ETV1: variants seen among roughly 807,000 people sequenced by gnomAD.
ETV1 encodes ETS variant transcription factor 1.
A neutral mutation model predicts 62.3 loss-of-function variants in ETV1; 27 were observed. The ratio of observed to expected loss-of-function variants is 0.43; its 90% CI spans 0.32 to 0.60. The LOEUF is 0.60. ETV1 is among the 20% of genes least tolerant of loss of function. The probability of loss-of-function intolerance (pLI) is 0.06; values close to 1 mark genes in which losing one functional copy is unlikely to be tolerated. For missense variants in ETV1, 605 were observed against 605.8 expected, an observed-to-expected ratio of 1.00 and a Z score of 0.01; for synonymous variants, 222 against 199.6, an observed-to-expected ratio of 1.11 and a Z score of -0.94.
chr7:13,915,652 C>T (rs1372389399), intron 9 of ETV1, among the ~76,000 whole-genome samples: 1 of 152,150 alleles, frequency 6.6e-6, no homozygotes, highest in Non-Finnish European at 1.5e-5. Flanking sequence ...CACGTATATG[C>T]CATACTTTTA....
In ETV1 at chr7:13,895,246, C is replaced by A. The variant is rs573909863; in HGVS notation, c.*620G>T. 3.0e-5 allele frequency: 7 copies of A among 233,554 alleles called. No homozygotes were observed. In the South Asian group the frequency reaches 1.3e-3, roughly 42 times the overall value. 14.5% of individuals were successfully genotyped at this position (233,554 alleles called of 1,614,324 possible). On this transcript the variant is annotated 3_prime_UTR_variant, in exon 14 of 14. Coordinates refer to ENST00000430479, the MANE Select transcript of ETV1 (RefSeq NM_004956.5). ...ATTATTCAACTTCAGAGAGAATTAC[C>A]CATTTTATGGTTATCCTCTGCAAGT...
chr7:13,908,724 T>A (rs985661713), intron 11 of ETV1, among the ~76,000 whole-genome samples: 3 of 152,152 alleles, frequency 2.0e-5, no homozygotes, highest in Non-Finnish European at 4.4e-5. Context: ...TCCAAGCAAC[T>A]AATTAGAAAT....
Position 13,928,918 on chromosome 7 carries a change from A to G in ETV1, c.802+2584T>C, listed in dbSNP as rs770503654. Reference sequence around the variant, plus strand: ...GGTTGCAGTGAGCTGAGAATACACCACTGCACTCAAGCCTGGGCGACAGAG... The same window carrying G: ...GGTTGCAGTGAGCTGAGAATACACCGCTGCACTCAAGCCTGGGCGACAGAG... On this transcript the variant is annotated intron_variant, in intron 9 of 13. Transcript: ENST00000430479. Among the ~76,000 whole-genome samples the G allele has an allele frequency of 2.0e-5, 3 of 152,158 alleles. No homozygotes were observed. In the South Asian group the frequency reaches 6.2e-4, roughly 32 times the overall value.
chr7:13,895,703 C>A lies in ETV1; in HGVS notation c.*163G>T. 1.6e-6 allele frequency: 1 copy of A among 626,386 alleles called. No homozygotes were observed. Among genetic ancestry groups the A allele is most frequent in the Non-Finnish European group, 2.8e-6 (1 of 355,894 alleles). The allele number at this position is 626,386 out of a possible 1,614,324, so 38.8% of individuals were successfully genotyped here. On this transcript the variant is annotated 3_prime_UTR_variant, in exon 14 of 14. Transcript: ENST00000430479. ...CCACCCTCAAATAAAGTGCACAGTCCATGGCAGACCATAGAATAATGCAAC... is the reference window on the plus strand; with the variant it reads ...CCACCCTCAAATAAAGTGCACAGTCAATGGCAGACCATAGAATAATGCAAC...
intron 12 of ETV1, among the ~76,000 whole-genome samples, chr7:13,905,866 G>A (rs1256039312): frequency 6.6e-6 from 1 of 152,156 alleles, no homozygotes; most frequent in Non-Finnish European, 1.5e-5. Context: ...CCTGTGTCTT[G>A]TAAGAGACAC....
At position 13,980,110 on chromosome 7, in the gene ETV1, A is replaced by T. The variant is rs114129215; in HGVS notation, c.182-2630T>A. ...AATAAATACTTCACACTTATTCCTGAACATATTACAGAATTTTAACAAAAA... is the reference window on the plus strand; with the variant it reads ...AATAAATACTTCACACTTATTCCTGTACATATTACAGAATTTTAACAAAAA... On this transcript the variant is annotated intron_variant, in intron 5 of 13. Transcript: ENST00000430479. 3.6e-3 allele frequency among the ~76,000 whole-genome samples: 546 copies of T among 152,306 alleles called. 2 individuals are homozygous for T. Among genetic ancestry groups the T allele is most frequent in the African/African-American group, 0.012 (502 of 41,568 alleles).
intron 4 of ETV1, among the ~76,000 whole-genome samples, chr7:13,987,266 A>T (rs1782632741): frequency 6.6e-6 from 1 of 151,982 alleles, no homozygotes; most frequent in African/African-American, 2.4e-5. Flanking sequence ...ATTCTTTGGC[A>T]CCAGGTTCTC....
At position 13,989,072 on chromosome 7, in the gene ETV1, C is replaced by T. The variant is rs780620922; in HGVS notation, c.-20G>A. On this transcript the variant is annotated 5_prime_UTR_variant, in exon 3 of 14. Coordinates refer to ENST00000430479, the MANE Select transcript of ETV1 (RefSeq NM_004956.5). ...ATCCATGCTGCTGCTCTTCGCAAATCTCAGCTCAGTATTTTATATTTTGAG... is the reference window on the plus strand; with the variant it reads ...ATCCATGCTGCTGCTCTTCGCAAATTTCAGCTCAGTATTTTATATTTTGAG... 22 of 1,554,042 alleles carry T rather than the reference C, an allele frequency of 1.4e-5. No individual in the cohort carries two copies. Among genetic ancestry groups the T allele is most frequent in the Admixed American group, 1.9e-5 (1 of 52,848 alleles).
At chr7:13,919,796 A>G (rs1350373538) in intron 9 of ETV1, among the ~76,000 whole-genome samples, 1 of 152,114 alleles carries the variant, frequency 6.6e-6, no homozygotes, top group Non-Finnish European at 1.5e-5. Flanking sequence ...CTAAAAACAG[A>G]TACTTAGTTA....
intron 8 of ETV1, among the ~76,000 whole-genome samples, chr7:13,934,330 C>T (rs951035401): frequency 2.6e-5 from 4 of 152,316 alleles, no homozygotes; most frequent in Non-Finnish European, 4.4e-5. Context: ...TTGTAAAGAA[C>T]GCTTTCATCT....
chr7:13,980,476 T>A (rs1293885365), intron 5 of ETV1, among the ~76,000 whole-genome samples: 1 of 152,162 alleles, frequency 6.6e-6, no homozygotes, highest in Non-Finnish European at 1.5e-5. Flanking sequence ...TTTCCACTAC[T>A]ATCTATTATA....
intron 12 of ETV1, among the ~76,000 whole-genome samples, chr7:13,901,274 G>A (rs1043467263): frequency 3.9e-5 from 6 of 152,090 alleles, no homozygotes; most frequent in African/African-American, 1.2e-4. Flanking sequence ...AAAAGTGTTG[G>A]GATTACAGGA....
At chr7:13,933,848 C>T (rs112646853) in intron 8 of ETV1, among the ~76,000 whole-genome samples, 3,326 of 152,292 alleles carry the variant, frequency 0.022, 96 homozygotes, top group African/African-American at 0.071. Context: ...TCTCAAATAT[C>T]TGACTTCAAG....
chr7:13,952,511 C>T (rs1343716760), intron 6 of ETV1, among the ~76,000 whole-genome samples: 1 of 152,090 alleles, frequency 6.6e-6, no homozygotes, highest in African/African-American at 2.4e-5. Flanking sequence ...CCTTAATCAC[C>T]ATGAAAAAGC....
chr7:13,979,088 C>T (rs1317338860), intron 5 of ETV1, among the ~76,000 whole-genome samples: 2 of 152,040 alleles, frequency 1.3e-5, no homozygotes, highest in African/African-American at 4.8e-5. Flanking sequence ...GTAACAACTT[C>T]AAAGTTAGCA....
chr7:13,949,557 C>T (rs1265492479), intron 6 of ETV1, among the ~76,000 whole-genome samples: 1 of 152,132 alleles, frequency 6.6e-6, no homozygotes, highest in Non-Finnish European at 1.5e-5. Context: ...GCCCTCCCCA[C>T]CCCCACTGTG....
intron 13 of ETV1, among the ~76,000 whole-genome samples, chr7:13,896,743 G>GAAAGAAAGAAA (rs144984792): frequency 6.1e-5 from 7 of 115,302 alleles, no homozygotes; most frequent in Admixed American, 2.9e-4. Context: ...AAGAAAGAAA[G>GAAAGAAAGAAA]GAAAGAAAGA....
At chr7:13,934,926 T>G (rs774938679) in intron 8 of ETV1, among the ~76,000 whole-genome samples, 7 of 152,154 alleles carry the variant, frequency 4.6e-5, no homozygotes, top group Non-Finnish European at 7.3e-5. Context: ...CGCCACTGCA[T>G]ACAGAAGCAC....
At chr7:13,908,464 A>C (rs902630927) in intron 11 of ETV1, among the ~76,000 whole-genome samples, 3 of 152,202 alleles carry the variant, frequency 2.0e-5, no homozygotes, top group African/African-American at 7.2e-5. Context: ...CTAAGAGAAA[A>C]TGCTATATTT....
Sources: gnomAD v4.1 joint callset for allele counts (sites outside exome capture counted in the v4.1 genomes callset) on GRCh38, gnomAD v4.1.1 for gene constraint, MANE v1.5 for transcripts, NCBI Gene and HGNC (gene_info 2026-07-23, HGNC 2026-07-21) for gene names.